The following EPB41L4A variants were observed in gnomAD, a reference collection of about 807,000 sequenced individuals.
The protein encoded by EPB41L4A is erythrocyte membrane protein band 4.1 like 4A.
A neutral mutation model predicts 108.6 loss-of-function variants in EPB41L4A; 100 were observed. The ratio of observed to expected loss-of-function variants is 0.92; its 90% confidence interval spans 0.78 to 1.09. The LOEUF is 1.09. Among genes scored for constraint, EPB41L4A ranks in the 50% least tolerant of loss-of-function variants. The pLI, the probability that EPB41L4A is intolerant of heterozygous loss-of-function variation, is 0.00. For missense variants in EPB41L4A, 1,030 were observed against 842.7 expected, an observed-to-expected ratio of 1.22 and a Z score of -2.75; for synonymous variants, 319 against 289.0, an observed-to-expected ratio of 1.10 and a Z score of -1.05.
intron 1 of EPB41L4A, among the ~76,000 whole-genome samples, chr5:112,396,643 G>A (rs1256516880): frequency 6.6e-6 from 1 of 152,176 alleles, no homozygotes; most frequent in Non-Finnish European, 1.5e-5. Context: ...CAGGTACCTG[G>A]CTATTGGCAA....
In EPB41L4A at chr5:112,163,250, G is replaced by GCACA. The variant is rs1243288481; in HGVS notation, c.*1739_*1740insTGTG. The GCACA allele has an allele frequency of 2.6e-5, 4 of 152,188 alleles. No homozygotes were observed. Among genetic ancestry groups the GCACA allele is most frequent in the African/African-American group, 9.7e-5 (4 of 41,438 alleles). 9.4% of individuals were successfully genotyped at this position (152,188 alleles called of 1,614,324 possible). A position where few individuals can be genotyped will look rare whatever the true frequency, so the allele number is the denominator to read the frequency against. ...ATAGTGGAGGTGTCCATAACTGCTA[G>GCACA]GTGTCCAGCTTGCACACTGATGAGC... On this transcript the variant is annotated 3_prime_UTR_variant, in exon 23 of 23. Transcript: ENST00000261486.
rs1227172917 is a variant in EPB41L4A at position 112,413,328 on chromosome 5, T to TA, written c.99+5612dup. Among the ~76,000 whole-genome samples the TA allele has an allele frequency of 3.3e-5, 5 of 152,218 alleles. No individual in the cohort carries two copies. The East Asian group carries it at 7.7e-4, about 23-fold the overall frequency. On this transcript the variant is annotated intron_variant, in intron 1 of 22. Transcript: ENST00000261486. ...TTCTACCCATTATCAATACAAAAAT[T>TA]AGAGTATCTTGACAACAGATTTTTC... is the stretch of plus-strand genomic sequence containing the variant.
Position 112,195,643 on chromosome 5 carries a change from C to A in EPB41L4A, c.1424+18G>T, listed in dbSNP as rs1580408898. ...ACCCTTCTTCCCTCTGACTGTCCTT[C>A]CATTTTTGTTTTTTTACCTCCTCCT... is the stretch of plus-strand genomic sequence containing the variant. On this transcript the variant is annotated intron_variant, in intron 16 of 22. Coordinates refer to ENST00000261486, the MANE Select transcript of EPB41L4A (RefSeq NM_022140.5). 6.2e-7 allele frequency: 1 copy of A among 1,602,072 alleles called. No individual in the cohort carries two copies. Among genetic ancestry groups the A allele is most frequent in the Non-Finnish European group, 8.6e-7 (1 of 1,169,174 alleles).
rs779384274 is a variant in EPB41L4A at position 112,204,472 on chromosome 5, G to C, written c.1279C>G (p.Pro427Ala). ...NGPQSGLYNSPSDRTKSPKFP... is the reference protein window; with the variant it reads ...NGPQSGLYNSASDRTKSPKFP... ...TTTGGCGACTTAGTGCGATCACTGG[G>C]AGAATTGTAGAGTCCACTGGAGAGA... The change falls in exon 15 of 23, where the codon CCC becomes GCC. Residue 427 changes from proline to alanine, a missense_variant. Coordinates refer to ENST00000261486, the MANE Select transcript of EPB41L4A (RefSeq NM_022140.5). The C allele has an allele frequency of 5.0e-6, 8 of 1,611,878 alleles. No homozygotes were observed. The highest frequency in any genetic ancestry group is 5.1e-6 in the Non-Finnish European group (6 of 1,178,110).
intron 6 of EPB41L4A, 119 bp downstream of exon 6, chr5:112,264,777 G>C (rs1375876179): frequency 1.1e-6 from 1 of 916,926 alleles, no homozygotes; most frequent in African/African-American, 1.7e-5. Flanking sequence ...ATACAAAGAG[G>C]AGTATTAGAA....
intron 1 of EPB41L4A, among the ~76,000 whole-genome samples, chr5:112,358,722 T>C (rs1758523162): frequency 6.6e-6 from 1 of 152,124 alleles, no homozygotes; most frequent in African/African-American, 2.4e-5. Context: ...ACAAAAGAAA[T>C]GAGTGCATAT....
rs1561585202 is a variant in EPB41L4A at position 112,339,498 on chromosome 5, A to AGATATATAGATATATATC, written c.100-32009_100-32008insGATATATATCTATATATC. The stretch of plus-strand genomic sequence containing the variant: ...TCTATATATATATATATATATATCT[A>AGATATATAGATATATATC]TATATATATATAGATATATAGATAT... On this transcript the variant is annotated intron_variant, in intron 1 of 22. Transcript: ENST00000261486. 6.7e-3 allele frequency among the ~76,000 whole-genome samples: 304 copies of AGATATATAGATATATATC among 45,060 alleles called. 2 individuals carry two copies. The highest frequency in any genetic ancestry group is 0.019 in the Middle Eastern group (1 of 52). The allele number at this position is 45,060 out of a possible 152,430, so 29.6% of individuals were successfully genotyped here.
intron 1 of EPB41L4A, among the ~76,000 whole-genome samples, chr5:112,326,168 A>T (rs547200598): frequency 4.9e-4 from 74 of 152,230 alleles, no homozygotes; most frequent in Non-Finnish European, 7.9e-4. Flanking sequence ...AATTTTTTTT[A>T]AATTAAACTA....
intron 1 of EPB41L4A, among the ~76,000 whole-genome samples, chr5:112,397,844 G>GT (rs2112722552): frequency 6.6e-6 from 1 of 152,312 alleles, no homozygotes; most frequent in South Asian, 2.1e-4. Flanking sequence ...CACACGGCTA[G>GT]TAAGTGGCAG....
At chr5:112,201,147 G>A (rs1762200615) in intron 15 of EPB41L4A, among the ~76,000 whole-genome samples, 1 of 152,198 alleles carries the variant, frequency 6.6e-6, no homozygotes, top group African/African-American at 2.4e-5. Flanking sequence ...GGAAGAAACA[G>A]AGAAGAATGT....
intron 17 of EPB41L4A, among the ~76,000 whole-genome samples, chr5:112,190,332 C>T (rs1761633831): frequency 6.6e-6 from 1 of 151,808 alleles, no homozygotes; most frequent in South Asian, 2.1e-4. Context: ...ACATAAACAC[C>T]CCCTTATGAA....
chr5:112,395,182 T>G (rs926889596), intron 1 of EPB41L4A, among the ~76,000 whole-genome samples: 1 of 152,170 alleles, frequency 6.6e-6, no homozygotes, highest in East Asian at 1.9e-4. Context: ...GACATAGGCA[T>G]GGGCAAGGAT....
chr5:112,318,946 C>T (rs1404116340), intron 1 of EPB41L4A, among the ~76,000 whole-genome samples: 1 of 152,178 alleles, frequency 6.6e-6, no homozygotes, highest in African/African-American at 2.4e-5. Context: ...TCCTTCAACC[C>T]TTGTTTATGG....
chr5:112,306,147 T>A (rs890008245), intron 2 of EPB41L4A, among the ~76,000 whole-genome samples: 1 of 152,086 alleles, frequency 6.6e-6, no homozygotes, highest in Admixed American at 6.6e-5. Flanking sequence ...AAAACTGTAG[T>A]TTTCTCTGCT....
At chr5:112,316,156 A>G (rs963372179) in intron 1 of EPB41L4A, among the ~76,000 whole-genome samples, 13 of 152,250 alleles carry the variant, frequency 8.5e-5, no homozygotes, top group Non-Finnish European at 1.8e-4. Flanking sequence ...AGAACAAAGA[A>G]TATTTCAAAT....
intron 2 of EPB41L4A, among the ~76,000 whole-genome samples, chr5:112,284,831 A>G (rs1753179588): frequency 6.6e-6 from 1 of 152,178 alleles, no homozygotes; most frequent in South Asian, 2.1e-4. Context: ...GAGAGCAATG[A>G]CAGACCCTTC....
intron 1 of EPB41L4A, among the ~76,000 whole-genome samples, chr5:112,379,169 A>G (rs547849077): frequency 8.6e-4 from 131 of 152,190 alleles, no homozygotes; most frequent in Non-Finnish European, 1.1e-3. Flanking sequence ...GTGGGCATCA[A>G]TGAAGGCAGA....
At chr5:112,186,957 G>A (rs1761460355) in intron 17 of EPB41L4A, among the ~76,000 whole-genome samples, 1 of 152,186 alleles carries the variant, frequency 6.6e-6, no homozygotes, top group Non-Finnish European at 1.5e-5. Flanking sequence ...TATGTTTACT[G>A]TGATAATTCT....
At chr5:112,259,157 A>G in intron 9 of EPB41L4A, 72 bp downstream of exon 9, 1 of 1,179,068 alleles carries the variant, frequency 8.5e-7, no homozygotes, top group Non-Finnish European at 1.3e-6. Flanking sequence ...TTTCTTCACA[A>G]TGTCTTTTAA....
Sources: allele counts gnomAD v4.1 joint callset (sites outside exome capture counted in the v4.1 genomes callset), GRCh38; gene constraint gnomAD v4.1.1; transcripts MANE v1.5; gene names NCBI Gene and HGNC (gene_info 2026-07-23, HGNC 2026-07-21).